Variants in C5orf52 observed in about 807,000 individuals in gnomAD.
C5orf52 encodes uncharacterized protein C5orf52.
Under a neutral mutation model 16.8 loss-of-function variants are expected in C5orf52, and 15 were observed. That is an observed-to-expected ratio of 0.89 (90% CI 0.60 to 1.38). C5orf52 has a LOEUF of 1.38. C5orf52 is among the 40% of genes most tolerant of loss of function. The pLI, the probability that C5orf52 is intolerant of heterozygous loss-of-function variation, is 0.00. For synonymous variants in C5orf52, 83 were observed against 87.2 expected, an observed-to-expected ratio of 0.95 and a Z score of 0.27; for missense variants, 206 against 213.1, an observed-to-expected ratio of 0.97 and a Z score of 0.21.
intron 2 of C5orf52, among the ~76,000 whole-genome samples, chr5:157,675,516 G>A (rs1189767071): frequency 6.6e-6 from 1 of 152,068 alleles, no homozygotes; most frequent in Non-Finnish European, 1.5e-5. Flanking sequence ...AAAGTCTTGG[G>A]TCCTAGGCCA....
chr5:157,673,655 T>A (rs897291478), intron 1 of C5orf52, among the ~76,000 whole-genome samples: 3 of 152,052 alleles, frequency 2.0e-5, no homozygotes, highest in Non-Finnish European at 4.4e-5. Flanking sequence ...ATGAACAATT[T>A]TTTTTTTTTT....
intron 1 of C5orf52, among the ~76,000 whole-genome samples, chr5:157,674,797 C>T (rs1451944868): frequency 6.6e-6 from 1 of 152,152 alleles, no homozygotes; most frequent in African/African-American, 2.4e-5. Flanking sequence ...AGGGTGACTG[C>T]TTCTGAGGAT....
At chr5:157,677,490 A>T (rs1333830908) in intron 2 of C5orf52, among the ~76,000 whole-genome samples, 4 of 151,896 alleles carry the variant, frequency 2.6e-5, no homozygotes, top group Non-Finnish European at 5.9e-5. Context: ...ACCCCTCTCT[A>T]CTAAAAATAG....
rs1561595279 is a variant in C5orf52 at position 157,675,159 on chromosome 5, A to T, written c.280A>T (p.Ile94Phe). Residue 94 changes from isoleucine to phenylalanine, a missense_variant, in exon 2 of 3, where the codon ATT becomes TTT. Ile to Phe is a conservative substitution (Grantham distance 21). Transcript: ENST00000409999. ...LPKSHLSRVI[I>F]HDNRITQRIY... ...CAAGAGCCATTTATCTCGGGTGATTATTCATGATAACCGCATCACACAACG... is the reference window on the plus strand; with the variant it reads ...CAAGAGCCATTTATCTCGGGTGATTTTTCATGATAACCGCATCACACAACG... The T allele has an allele frequency of 2.6e-6, 4 of 1,551,180 alleles. No homozygotes were observed. The highest frequency in any genetic ancestry group is 3.5e-6 in the Non-Finnish European group (4 of 1,146,602).
rs559959230 is a variant in C5orf52 at position 157,675,134 on chromosome 5, C to T, written c.255C>T (p.Pro85=). ...AAGCAGCGATGAAAAAAACTTTACC[C>T]AAGAGCCATTTATCTCGGGTGATTA... is the stretch of plus-strand genomic sequence containing the variant. ...SSEAAMKKTL[P]KSHLSRVIIH... Residue 85 remains proline, a synonymous_variant, in exon 2 of 3, where the codon CCC becomes CCT. Coordinates refer to ENST00000409999, the MANE Select transcript of C5orf52 (RefSeq NM_001145132.2). 1.1e-4 allele frequency: 168 copies of T among 1,551,536 alleles called. No individual in the cohort carries two copies. The South Asian group carries it at 1.8e-3, about 17-fold the overall frequency.
upstream of C5orf52, chr5:157,671,443 T>C (rs1759785949): frequency 3.3e-6 from 2 of 609,140 alleles, no homozygotes; most frequent in East Asian, 2.9e-5. Flanking sequence ...TCTGCACGCA[T>C]GTCCAACAGC....
chr5:157,678,308 A>G (rs1270744223), intron 2 of C5orf52, among the ~76,000 whole-genome samples: 3 of 152,190 alleles, frequency 2.0e-5, no homozygotes, highest in Non-Finnish European at 4.4e-5. Flanking sequence ...AGGTCTTCAG[A>G]TAATGTTAGT....
intron 2 of C5orf52, among the ~76,000 whole-genome samples, chr5:157,677,230 G>A (rs185658654): frequency 6.6e-6 from 1 of 152,260 alleles, no homozygotes; most frequent in Admixed American, 6.5e-5. Flanking sequence ...ATCCCGCAGT[G>A]TATGGGACAG....
intron 2 of C5orf52, among the ~76,000 whole-genome samples, chr5:157,678,917 G>A (rs1759957140): frequency 6.6e-6 from 1 of 151,958 alleles, no homozygotes; most frequent in Non-Finnish European, 1.5e-5. Flanking sequence ...GGTGGATCAC[G>A]AGGTCAGGAG....
At chr5:157,673,938 G>T (rs1298405543) in intron 1 of C5orf52, among the ~76,000 whole-genome samples, 1 of 152,142 alleles carries the variant, frequency 6.6e-6, no homozygotes, top group Non-Finnish European at 1.5e-5. Flanking sequence ...GAGCCAACTT[G>T]CCCGGTCCTG....
At position 157,679,960 on chromosome 5, in the gene C5orf52, C is replaced by T. The variant is rs6892478; in HGVS notation, c.441C>T (p.Ser147=). The change falls in exon 3 of 3, where the codon AGC becomes AGT. Residue 147 remains serine, a synonymous_variant. Coordinates refer to ENST00000409999, the MANE Select transcript of C5orf52 (RefSeq NM_001145132.2). ...LGRWREESVN[S]NRYLTFGIPP... ...GATGGAGAGAGGAATCCGTGAACAG[C>T]AACCGGTACTTAACCTTCGGGATAC... 212,470 of 1,551,242 alleles carry T rather than the reference C, an allele frequency of 0.14. 15,654 individuals are homozygous for T. Among genetic ancestry groups the T allele is most frequent in the African/African-American group, 0.26 (19,137 of 73,038 alleles).
chr5:157,679,712 G>A (rs941403664), intron 2 of C5orf52, 129 bp from the exon 3 acceptor site: 10 of 801,890 alleles, frequency 1.2e-5, no homozygotes, highest in African/African-American at 1.7e-5. Flanking sequence ...TATATGGAAT[G>A]TACATAGGGT....
At chr5:157,675,042 C>T in intron 1 of C5orf52, 50 bp from the exon 2 acceptor site, 2 of 1,277,840 alleles carry the variant, frequency 1.6e-6, no homozygotes, top group Non-Finnish European at 2.2e-6. Flanking sequence ...GTGCTCTGGC[C>T]CAGGCCCCAA....
At chr5:157,671,438 A>G (rs11134885), upstream of C5orf52, 253,434 of 600,400 alleles carry the variant, frequency 0.42, 59,191 homozygotes, top group African/African-American at 0.83. Context: ...CGGACTCTGC[A>G]CGCATGTCCA....
At chr5:157,671,373 G>C, upstream of C5orf52, 1 of 531,528 alleles carries the variant, frequency 1.9e-6, no homozygotes. Context: ...ACAGCAACGC[G>C]CCGGGTCTCA....
In C5orf52 at chr5:157,671,610, C is replaced by G. The variant is rs1464429851; in HGVS notation, c.-5C>G. The stretch of plus-strand genomic sequence containing the variant: ...TCCAACTCTTTCTCCAACAGGGAAG[C>G]CGCAATGACACAGCCGACTAGGCCC... On this transcript the variant is annotated 5_prime_UTR_variant, in exon 1 of 3. Transcript: ENST00000409999. The G allele has an allele frequency of 1.3e-6, 2 of 1,544,440 alleles. No individual in the cohort carries two copies. The highest frequency in any genetic ancestry group is 1.7e-6 in the Non-Finnish European group (2 of 1,143,714).
intron 1 of C5orf52, among the ~76,000 whole-genome samples, chr5:157,674,719 T>C (rs1759863568): frequency 6.6e-6 from 1 of 151,870 alleles, no homozygotes; most frequent in Non-Finnish European, 1.5e-5. Context: ...TAAGCCAAGA[T>C]TGCACCACCA....
At chr5:157,673,941 C>T (rs913966436) in intron 1 of C5orf52, among the ~76,000 whole-genome samples, 2 of 152,132 alleles carry the variant, frequency 1.3e-5, no homozygotes, top group Admixed American at 6.5e-5. Context: ...CCAACTTGCC[C>T]GGTCCTGAAC....
At chr5:157,676,261 CGG>C (rs1395165361) in intron 2 of C5orf52, among the ~76,000 whole-genome samples, 1 of 152,054 alleles carries the variant, frequency 6.6e-6, no homozygotes, top group African/African-American at 2.4e-5. Flanking sequence ...TTAGTAGAGA[CGG>C]GGTTTCACCA....
Sources: gnomAD v4.1 joint callset for allele counts (sites outside exome capture counted in the v4.1 genomes callset) on GRCh38, gnomAD v4.1.1 for gene constraint, MANE v1.5 for transcripts, NCBI Gene and HGNC (gene_info 2026-07-23, HGNC 2026-07-21) for gene names.